The following PPP2R2C variants were observed in gnomAD, a reference collection of about 807,000 sequenced individuals.
The protein encoded by PPP2R2C is protein phosphatase 2 regulatory subunit Bgamma, also known as protein phosphatase 2, regulatory subunit B, gamma.
In PPP2R2C, 10 loss-of-function variants were observed where a neutral mutation model predicts 45.3. That is an observed-to-expected ratio of 0.22 (90% CI 0.14 to 0.37). The LOEUF is 0.37. Ranked by LOEUF, PPP2R2C falls within the 10% of genes least tolerant of loss-of-function variation. The pLI is 1.00. For missense variants in PPP2R2C, 308 were observed against 619.7 expected (o/e 0.50, Z 5.34); for synonymous variants, 257 against 245.4 (o/e 1.05, Z -0.44).
upstream of PPP2R2C, among the ~76,000 whole-genome samples, chr4:6,473,879 T>C (rs868764773): frequency 6.6e-6 from 1 of 152,142 alleles, no homozygotes; most frequent in Non-Finnish European, 1.5e-5. Context: ...TATGAGGAGA[T>C]GAAAGCCCCC....
Position 6,370,239 on chromosome 4 carries a change from G to A in PPP2R2C, c.625+2284C>T, listed in dbSNP as rs1316995851. Reference sequence around the variant, plus strand: ...CCTGCCAACTGGGGACTCTGGGCCAGTCCCTCATCTCCCCCAGCCTCCGTT... The same window carrying A: ...CCTGCCAACTGGGGACTCTGGGCCAATCCCTCATCTCCCCCAGCCTCCGTT... On this transcript the variant is annotated intron_variant, in intron 5 of 8. Coordinates refer to ENST00000382599, the MANE Select transcript of PPP2R2C (RefSeq NM_020416.4). Among the ~76,000 whole-genome samples, 3 of 152,240 alleles carry A rather than the reference G, an allele frequency of 2.0e-5. No homozygotes were observed. In the East Asian group the frequency reaches 5.8e-4, roughly 29 times the overall value.
At chr4:6,383,339 T>G (rs17721365) in intron 1 of PPP2R2C, 110,574 of 1,288,626 alleles carry the variant, frequency 0.086, 5,239 homozygotes, top group Non-Finnish European at 0.097. Context: ...AGATGCAAGA[T>G]GATGAAAACA....
intron 5 of PPP2R2C, among the ~76,000 whole-genome samples, chr4:6,355,551 CAA>C (rs566926127): frequency 2.2e-4 from 17 of 78,888 alleles, no homozygotes; most frequent in Admixed American, 4.1e-4. Context: ...ACAGAAAGCA[CAA>C]AAAAAAAAAA....
intron 2 of PPP2R2C, among the ~76,000 whole-genome samples, chr4:6,512,305 G>A (rs1723633828): frequency 7.9e-6 from 1 of 126,660 alleles, no homozygotes; most frequent in Non-Finnish European, 1.7e-5. Context: ...GGTGGTGGTG[G>A]TGGTGGTGAT....
chr4:6,430,579 T>C (rs1438311818), intron 1 of PPP2R2C, among the ~76,000 whole-genome samples: 1 of 152,190 alleles, frequency 6.6e-6, no homozygotes, highest in Non-Finnish European at 1.5e-5. Context: ...GAAATGTTCA[T>C]TTAGCAGAAT....
At chr4:6,420,413 A>G (rs1022431191) in intron 1 of PPP2R2C, among the ~76,000 whole-genome samples, 7 of 152,186 alleles carry the variant, frequency 4.6e-5, no homozygotes, top group African/African-American at 1.7e-4. Flanking sequence ...TCACAGGTCC[A>G]GGGACTTGGG....
At chr4:6,401,435 G>A (rs1002669964) in intron 1 of PPP2R2C, among the ~76,000 whole-genome samples, 3 of 152,046 alleles carry the variant, frequency 2.0e-5, no homozygotes, top group Admixed American at 6.5e-5. Context: ...CATGGGCTAC[G>A]ATGGCAACAT....
At chr4:6,458,966 G>A (rs1223389207) in intron 1 of PPP2R2C, among the ~76,000 whole-genome samples, 2 of 152,222 alleles carry the variant, frequency 1.3e-5, no homozygotes, top group African/African-American at 4.8e-5. Context: ...CAGAATCATG[G>A]AGAGAACAGA....
chr4:6,535,227 A>G (rs986067432), intron 2 of PPP2R2C: 21 of 1,531,684 alleles, frequency 1.4e-5, no homozygotes, highest in Admixed American at 3.9e-5. Flanking sequence ...CACGTCCCCA[A>G]GCTCACCGGC....
At chr4:6,512,548 GTGGTGA>G (rs1723680520) in intron 2 of PPP2R2C, among the ~76,000 whole-genome samples, 2 of 127,612 alleles carry the variant, frequency 1.6e-5, no homozygotes, top group East Asian at 2.5e-4. Context: ...GGTGGTGATG[GTGGTGA>G]TGGTGGTGGT....
rs780587595 is a variant in PPP2R2C, at chr4:6,329,383, C to T, written c.961-30G>A. ...TGGGATAAGGGATGAGGTGAGTGGA[C>T]GGGGCGTCCCGACCATCCTGGCCCT... On this transcript the variant is annotated intron_variant, in intron 7 of 8. Transcript: ENST00000382599. This position sits in a 1 kb window ranked among gnomAD's most constrained non-coding sequence, Gnocchi z 5.8. The T allele has an allele frequency of 2.9e-5, 46 of 1,583,916 alleles. No individual in the cohort carries two copies. Among genetic ancestry groups the T allele is most frequent in the African/African-American group, 1.3e-4 (10 of 74,254 alleles).
chr4:6,500,350 G>A (rs573271884), intron 2 of PPP2R2C, among the ~76,000 whole-genome samples: 112 of 152,270 alleles, frequency 7.4e-4, no homozygotes, highest in African/African-American at 2.3e-3. Context: ...GTTTCACCAC[G>A]TTGGCCAGGC....
intron 2 of PPP2R2C, among the ~76,000 whole-genome samples, chr4:6,513,106 C>A (rs1310445868): frequency 6.6e-6 from 1 of 152,084 alleles, no homozygotes; most frequent in Non-Finnish European, 1.5e-5. Flanking sequence ...TATCATAAAG[C>A]TAGAAAATTT....
intron 1 of PPP2R2C, among the ~76,000 whole-genome samples, chr4:6,559,803 G>C (rs745537031): frequency 9.9e-5 from 15 of 152,218 alleles, no homozygotes; most frequent in Non-Finnish European, 1.9e-4. Flanking sequence ...GCCACGCCTT[G>C]ATCTTGGACT....
intron 3 of PPP2R2C, among the ~76,000 whole-genome samples, chr4:6,377,439 C>A (rs563514437): frequency 6.6e-6 from 1 of 151,882 alleles, no homozygotes; most frequent in African/African-American, 2.4e-5. Context: ...GCGGATCACC[C>A]GAGGTCAGGA....
chr4:6,359,773 C>T (rs546732053), intron 5 of PPP2R2C, among the ~76,000 whole-genome samples: 17 of 152,272 alleles, frequency 1.1e-4, no homozygotes, highest in African/African-American at 3.6e-4. Flanking sequence ...AGCTAAGCTG[C>T]ACCAGTCTGC....
chr4:6,402,049 T>C (rs898456953), intron 1 of PPP2R2C, among the ~76,000 whole-genome samples: 16 of 152,196 alleles, frequency 1.1e-4, no homozygotes, highest in African/African-American at 3.9e-4. Context: ...AGGTTAATGA[T>C]GTGGTAAGGA....
rs370134038 is a variant in PPP2R2C at position 6,375,773 on chromosome 4, G to A, written c.447+46C>T. On this transcript the variant is annotated intron_variant, in intron 4 of 8. Transcript: ENST00000382599. ...GCTTTTCCAGCCCTAAAATCCTCAG[G>A]TGTAATAAAGAGGCGTGTGCCTGCT... The A allele has an allele frequency of 1.9e-5, 27 of 1,432,766 alleles. No homozygotes were observed. In the African/African-American group the frequency reaches 3.0e-4, roughly 16 times the overall value. 88.8% of individuals were successfully genotyped at this position (1,432,766 alleles called of 1,614,324 possible).
rs887450178 is a variant in PPP2R2C at position 6,426,680 on chromosome 4, A to C, written c.70+45480T>G. Among the ~76,000 whole-genome samples the C allele has an allele frequency of 4.6e-5, 7 of 152,298 alleles. No individual in the cohort carries two copies. In the South Asian group the frequency reaches 1.0e-3, roughly 23 times the overall value. ...TGTCAGTATCAGGGGACGGCAGAGT[A>C]GACTTGGGTGGAGCAGAGCTGGGAC... is the stretch of plus-strand genomic sequence containing the variant. On this transcript the variant is annotated intron_variant, in intron 1 of 8. Coordinates refer to ENST00000382599, the MANE Select transcript of PPP2R2C (RefSeq NM_020416.4).
Sources: gnomAD v4.1 joint callset for allele counts (sites outside exome capture counted in the v4.1 genomes callset) on GRCh38, gnomAD v4.1.1 for gene constraint, Gnocchi (gnomAD v3.1) non-coding constraint, MANE v1.5 for transcripts, NCBI Gene and HGNC (gene_info 2026-07-23, HGNC 2026-07-21) for gene names.